GTF3C2: variants seen among roughly 807,000 people sequenced by gnomAD.
GTF3C2 encodes the protein general transcription factor 3C polypeptide 2.
In GTF3C2, 17 loss-of-function variants were observed where a neutral mutation model predicts 117.4. The ratio of observed to expected loss-of-function variants is 0.14; its 90% CI spans 0.10 to 0.22. GTF3C2 has a LOEUF of 0.22. GTF3C2 is among the 10% of genes least tolerant of loss of function. The pLI is 1.00. For synonymous variants in GTF3C2, 437 were observed against 427.0 expected, an observed-to-expected ratio of 1.02 and a Z score of -0.29; for missense variants, 888 against 1,143.6, an observed-to-expected ratio of 0.78 and a Z score of 3.22.
chr2:27,326,240 G>A (rs1412397315), exon 19 of GTF3C2: 1 of 474,222 alleles, frequency 2.1e-6, no homozygotes, highest in Non-Finnish European at 4.4e-6. Flanking sequence ...GTTTCAGAAG[G>A]CAGTAATATT....
At chr2:27,327,273 A>C in exon 18 of GTF3C2, 1 of 1,581,306 alleles carries the variant, frequency 6.3e-7, no homozygotes, top group Non-Finnish European at 8.7e-7. Context: ...GGAGCAGATC[A>C]TGGAATGAAC....
chr2:27,328,611 C>T lies in GTF3C2; in HGVS notation c.2128-15G>A. The T allele has an allele frequency of 6.2e-7, 1 of 1,603,148 alleles. No homozygotes were observed. Among genetic ancestry groups the T allele is most frequent in the Non-Finnish European group, 8.5e-7 (1 of 1,170,476 alleles). On this transcript the variant is annotated splice_polypyrimidine_tract_variant and intron_variant, in intron 15 of 18. Transcript: ENST00000264720. Reference sequence around the variant, plus strand: ...CCTGAAAGACTCTAATAGAAAGAGACAGATTTCATTCATTCATATATTCAT... The same window carrying T: ...CCTGAAAGACTCTAATAGAAAGAGATAGATTTCATTCATTCATATATTCAT...
At chr2:27,336,829 TGA>T in intron 7 of GTF3C2, 1 of 215,904 alleles carries the variant, frequency 4.6e-6, no homozygotes, top group Non-Finnish European at 9.3e-6. Flanking sequence ...AGGCTGGTCT[TGA>T]ACTCGTGGGC....
At chr2:27,326,171 C>G (rs191286683) in exon 19 of GTF3C2, 1 of 470,554 alleles carries the variant, frequency 2.1e-6, no homozygotes, top group Admixed American at 2.4e-5. Flanking sequence ...TAAGCAACTT[C>G]AGTCTCACGA....
intron 1 of GTF3C2, among the ~76,000 whole-genome samples, chr2:27,348,103 A>C (rs1379517988): frequency 6.6e-6 from 1 of 152,168 alleles, no homozygotes; most frequent in African/African-American, 2.4e-5. Context: ...CCCTGTCTCT[A>C]CTAAGAATAC....
At chr2:27,327,105 T>C in intron 18 of GTF3C2, 72 bp downstream of exon 18, 1 of 826,624 alleles carries the variant, frequency 1.2e-6, no homozygotes. Flanking sequence ...CCTTTTCATC[T>C]ACCATTTCAT....
intron 10 of GTF3C2, among the ~76,000 whole-genome samples, chr2:27,334,833 C>G (rs574916739): frequency 1.3e-5 from 2 of 151,876 alleles, no homozygotes; most frequent in Non-Finnish European, 2.9e-5. Context: ...TTTGTCGAGA[C>G]GACATCTCAT....
exon 8 of GTF3C2, chr2:27,336,380 G>A (rs142208824): frequency 1.4e-5 from 23 of 1,612,676 alleles, no homozygotes. Context: ...CCCCCGTGAA[G>A]AAGGACACAT....
At chr2:27,326,683 T>A (rs758792957) in exon 19 of GTF3C2, 19 of 1,612,362 alleles carry the variant, frequency 1.2e-5, no homozygotes, top group Non-Finnish European at 1.5e-5. Flanking sequence ...GGCTAGGGAG[T>A]GGGCAGAAGG....
At chr2:27,326,584 TC>T in exon 19 of GTF3C2, 2 of 925,774 alleles carry the variant, frequency 2.2e-6, no homozygotes, top group Non-Finnish European at 3.4e-6. Flanking sequence ...ATGATCACTG[TC>T]CAGGGAAGGC....
At chr2:27,345,749 C>T (rs1171250109) in intron 1 of GTF3C2, among the ~76,000 whole-genome samples, 2 of 145,494 alleles carry the variant, frequency 1.4e-5, no homozygotes, top group Admixed American at 7.0e-5. Flanking sequence ...GTTTCACTAT[C>T]GTTGCCCAGG....
chr2:27,335,573 C>G, intron 10 of GTF3C2, 25 bp downstream of exon 10: 1 of 1,297,640 alleles, frequency 7.7e-7, no homozygotes, highest in Non-Finnish European at 1.1e-6. Flanking sequence ...TACAGCAGCC[C>G]CATTCTCCTT....
At chr2:27,343,346 G>C (rs746710918) in exon 2 of GTF3C2, 26 of 1,613,960 alleles carry the variant, frequency 1.6e-5, no homozygotes, top group Non-Finnish European at 2.0e-5. Context: ...CTGCTCTGGA[G>C]GGAGCCTCCT....
chr2:27,356,094 A>G, intron 1 of GTF3C2: 1 of 1,289,236 alleles, frequency 7.8e-7, no homozygotes, highest in Non-Finnish European at 1.0e-6. Context: ...TACCCTATAC[A>G]TCCCTCCAAC....
In GTF3C2 at chr2:27,328,500, T is replaced by C. The variant is rs756678928; in HGVS notation, c.2224A>G (p.Ile742Val). Residue 742 changes from isoleucine (I) to valine (V), a missense_variant, in exon 16 of 19, where the codon ATA becomes GTA. Around this residue, in one of 7 missense-constraint regions of GTF3C2, gnomAD observed 129 missense variants for 156.0 expected, o/e 0.83. Coordinates refer to ENST00000264720, the Ensembl canonical transcript of GTF3C2. ...CGCTCTACAGGTCGCTTGACATTTA[T>C]TGGATTCAGTGCCATATCTGGTAAT... The C allele has an allele frequency of 5.0e-6, 8 of 1,613,688 alleles. No individual in the cohort carries two copies. In the Admixed American group the frequency reaches 5.0e-5, roughly 10 times the overall value.
intron 1 of GTF3C2, among the ~76,000 whole-genome samples, chr2:27,344,791 C>T (rs1680859201): frequency 6.6e-6 from 1 of 151,804 alleles, no homozygotes; most frequent in Non-Finnish European, 1.5e-5. Context: ...CAAGACCAGT[C>T]TGGGCAACAT....
At chr2:27,339,489 G>T (rs762920475) in intron 4 of GTF3C2, 2 of 151,662 alleles carry the variant, frequency 1.3e-5, no homozygotes, top group Non-Finnish European at 2.9e-5. Flanking sequence ...GTTCATCATG[G>T]AACGAAATAT....
chr2:27,353,139 A>G (rs539638647), intron 1 of GTF3C2, among the ~76,000 whole-genome samples: 1 of 152,166 alleles, frequency 6.6e-6, no homozygotes, highest in Admixed American at 6.5e-5. Context: ...TCATGCCTGT[A>G]ATCTCAGCAC....
In GTF3C2 at chr2:27,333,965, C is replaced by T; in HGVS notation, c.1602+9G>A. 1 of 1,602,066 alleles carries T rather than the reference C, an allele frequency of 6.2e-7. No individual in the cohort carries two copies. Among genetic ancestry groups the T allele is most frequent in the Non-Finnish European group, 8.6e-7 (1 of 1,169,192 alleles). On this transcript the variant is annotated intron_variant, in intron 11 of 18. Coordinates refer to ENST00000264720, the Ensembl canonical transcript of GTF3C2. ...GAGCCTCAGCTAAGGTAGCAGGTTC[C>T]TCACTCACCTTATATATGGCAGGCT...
Sources: gnomAD v4.1 joint callset for allele counts (sites outside exome capture counted in the v4.1 genomes callset) on GRCh38, gnomAD v4.1.1 for gene constraint, gnomAD v4.1.1 regional missense constraint, MANE v1.5 for transcripts, NCBI Gene and HGNC (gene_info 2026-07-23, HGNC 2026-07-21) for gene names.